The following ASL variants were observed in gnomAD, a reference collection of about 807,000 sequenced individuals.
ASL encodes argininosuccinase.
ASL carries 51 observed loss-of-function variants against 69.1 expected under a neutral mutation model. The ratio of observed to expected loss-of-function variants is 0.74; its 90% CI spans 0.59 to 0.93. The LOEUF is 0.93. Ranked by LOEUF, ASL falls within the 40% of genes least tolerant of loss-of-function variation. ASL has a pLI of 0.00. For missense variants in ASL, 540 were observed against 623.9 expected (o/e 0.87, Z 1.43); for synonymous variants, 241 against 247.6 (o/e 0.97, Z 0.25).
rs28447397 is a variant in ASL, at chr7:66,088,535, A to G, written c.719-272A>G. 0.039 allele frequency among the ~76,000 whole-genome samples: 6,003 copies of G among 152,244 alleles called. 402 individuals carry two copies. Among genetic ancestry groups the G allele is most frequent in the African/African-American group, 0.14 (5,672 of 41,512 alleles). On this transcript the variant is annotated intron_variant, in intron 10 of 16. Coordinates refer to ENST00000304874, the MANE Select transcript of ASL (RefSeq NM_000048.4). ...AATTGTATGTGAGTGATAACTCAGT[A>G]AAGCTGGTTTATTTAAAACAACAAC... is the stretch of plus-strand genomic sequence containing the variant.
chr7:66,087,633 C>CCT, intron 9 of ASL, 96 bp from the exon 10 acceptor site: 1 of 1,342,900 alleles, frequency 7.4e-7, no homozygotes, highest in Non-Finnish European at 1.1e-6. Flanking sequence ...GCTGTTGCCC[C>CCT]ACCCTGATCA....
intron 6 of ASL, 71 bp downstream of exon 6, chr7:66,083,245 C>T (rs1386071179): frequency 2.0e-6 from 3 of 1,518,860 alleles, no homozygotes; most frequent in Non-Finnish European, 2.7e-6. Flanking sequence ...ACCTAGGGGG[C>T]AGGGGTGAAC....
At position 66,081,950 on chromosome 7, in the gene ASL, C is replaced by G; in HGVS notation, c.160C>G (p.Leu54Val). The G allele has an allele frequency of 6.2e-7, 1 of 1,613,484 alleles. No individual in the cohort carries two copies. The highest frequency in any genetic ancestry group is 8.5e-7 in the Non-Finnish European group (1 of 1,179,872). ...CAGCAGGGGCCTGGAGAAGGCAGGG[C>G]TCCTCACCAAGGCCGAGATGGACCA... Reference protein sequence around the residue: ...AYSRGLEKAGLLTKAEMDQIL... With the variant: ...AYSRGLEKAGVLTKAEMDQIL... Residue 54 changes from leucine (L) to valine (V), a missense_variant, in exon 3 of 17, where the codon CTC becomes GTC. Physicochemically the swap from Leu to Val is conservative, Grantham distance 32 (BLOSUM62 1). Transcript: ENST00000304874.
At chr7:66,086,922 C>A (rs768945892) in intron 8 of ASL, 101 bp downstream of exon 8, 1 of 1,359,360 alleles carries the variant, frequency 7.4e-7, no homozygotes, top group Non-Finnish European at 1.0e-6. Flanking sequence ...CAGAAAACCG[C>A]CTTATCTGCT....
intron 2 of ASL, among the ~76,000 whole-genome samples, chr7:66,080,672 C>T (rs1183641860): frequency 2.0e-5 from 3 of 152,040 alleles, no homozygotes; most frequent in Non-Finnish European, 4.4e-5. Flanking sequence ...TGCAGTGAGC[C>T]GAGATCACGC....
chr7:66,076,580 C>T (rs1230560637), intron 2 of ASL, among the ~76,000 whole-genome samples: 2 of 152,196 alleles, frequency 1.3e-5, no homozygotes, highest in Non-Finnish European at 1.5e-5. Context: ...AAGGGGACGT[C>T]GCCTCGTGGC....
rs374304304 is a variant in ASL, at chr7:66,082,440, C to T, written c.280C>T (p.Arg94Cys). The T allele has an allele frequency of 1.1e-5, 18 of 1,610,038 alleles. No individual in the cohort carries two copies. Among genetic ancestry groups the T allele is most frequent in the South Asian group, 3.3e-5 (3 of 90,028 alleles). ...TGAGGACATCCACACAGCCAATGAG[C>T]GCCGCCTGAAGGTACGACCCCTGGA... ...NDEDIHTANE[R>C]RLKELIGATA... The change falls in exon 4 of 17, where the codon CGC (arginine) becomes TGC (cysteine). Residue 94 changes from arginine to cysteine, a missense_variant. Physicochemically the swap from Arg to Cys is radical, Grantham distance 180. Transcript: ENST00000304874.
intron 10 of ASL, 85 bp downstream of exon 10, chr7:66,087,876 C>T: frequency 6.5e-7 from 1 of 1,530,834 alleles, no homozygotes; most frequent in Non-Finnish European, 9.0e-7. Context: ...CCCACACCTC[C>T]ACGGACAGGC....
chr7:66,092,045 A>G lies in ASL; in HGVS notation c.1102A>G (p.Met368Val), dbSNP rs1554328202. 3 of 1,613,540 alleles carry G rather than the reference A, an allele frequency of 1.9e-6. No individual in the cohort carries two copies. The highest frequency in any genetic ancestry group is 2.5e-6 in the Non-Finnish European group (3 of 1,180,032). ...CATGGGACAGGCTCTCAGCCCCGAC[A>G]TGCTGGCCACTGACCTTGCCTATTA... Reference protein sequence around the residue: ...ENMGQALSPDMLATDLAYYLV... With the variant: ...ENMGQALSPDVLATDLAYYLV... Residue 368 changes from methionine (M) to valine (V), a missense_variant, in exon 15 of 17, where the codon ATG (methionine) becomes GTG (valine). Coordinates refer to ENST00000304874, the MANE Select transcript of ASL (RefSeq NM_000048.4).
Position 66,093,052 on chromosome 7 carries a change from G to C in ASL, c.*140G>C. On this transcript the variant is annotated 3_prime_UTR_variant, in exon 17 of 17. Transcript: ENST00000304874. ...TCAGGGACTGGAGAGGCAGGGCAGG[G>C]TGGCCTGTAATCCCAGCACTTTGGA... The C allele has an allele frequency of 1.4e-6, 2 of 1,406,960 alleles. No homozygotes were observed. Among genetic ancestry groups the C allele is most frequent in the Non-Finnish European group, 1.9e-6 (2 of 1,036,280 alleles). The allele number at this position is 1,406,960 out of a possible 1,614,324, so 87.2% of individuals were successfully genotyped here. A position where few individuals can be genotyped will look rare whatever the true frequency, so the allele number is the denominator to read the frequency against.
intron 8 of ASL, 93 bp from the exon 9 acceptor site, chr7:66,087,241 T>TGTGTG: frequency 7.3e-7 from 1 of 1,375,666 alleles, no homozygotes. Flanking sequence ...TGTGTGTGCG[T>TGTGTG]TCGTGTGTGT....
chr7:66,085,900 G>A (rs1681760152), intron 6 of ASL, among the ~76,000 whole-genome samples: 1 of 151,970 alleles, frequency 6.6e-6, no homozygotes, highest in Non-Finnish European at 1.5e-5. Context: ...GAGTTACCGC[G>A]CCTGGCCACA....
chr7:66,086,434 T>C, intron 6 of ASL, 151 bp from the exon 7 acceptor site: 1 of 849,610 alleles, frequency 1.2e-6, no homozygotes, highest in South Asian at 1.4e-5. Context: ...TAAGACTGAT[T>C]TGTCCCTGGG....
At chr7:66,088,713 G>T (rs571823108) in intron 10 of ASL, 94 bp from the exon 11 acceptor site, 5 of 1,055,094 alleles carry the variant, frequency 4.7e-6, no homozygotes, top group Non-Finnish European at 7.2e-6. Flanking sequence ...AAATTTAGCC[G>T]GGTCCCCCCA....
intron 6 of ASL, among the ~76,000 whole-genome samples, chr7:66,083,920 G>A (rs919416325): frequency 6.6e-6 from 1 of 152,104 alleles, no homozygotes; most frequent in Non-Finnish European, 1.5e-5. Flanking sequence ...CTGGGACCTG[G>A]TGTCTTTGGG....
chr7:66,084,354 G>A (rs1786598428), intron 6 of ASL, among the ~76,000 whole-genome samples: 2 of 151,768 alleles, frequency 1.3e-5, no homozygotes, highest in Admixed American at 1.3e-4. Context: ...GTAGAGATGG[G>A]TTTTGCCATG....
Position 66,082,890 on chromosome 7 carries a change from G to A in ASL, c.302G>A (p.Gly101Asp), listed in dbSNP as rs775061205. ...TCCCTTCACCTCCAGGAGCTCATTG[G>A]TGCAACGGCAGGGAAGCTGCACACG... ...ANERRLKELI[G>D]ATAGKLHTGR... The change falls in exon 5 of 17, where the codon GGT becomes GAT. Residue 101 changes from glycine (G) to aspartate (D), a missense_variant. Transcript: ENST00000304874. 2.5e-6 allele frequency: 4 copies of A among 1,613,784 alleles called. No individual in the cohort carries two copies. Among genetic ancestry groups the A allele is most frequent in the Admixed American group, 1.7e-5 (1 of 59,994 alleles).
chr7:66,076,042 C>T lies in ASL; in HGVS notation c.-40C>T, dbSNP rs750491000. The T allele has an allele frequency of 2.5e-5, 39 of 1,588,840 alleles. No individual in the cohort carries two copies. Among genetic ancestry groups the T allele is most frequent in the Non-Finnish European group, 3.2e-5 (37 of 1,168,244 alleles). ...TCAGTCCGGTCTTGTCTTCCAGACC[C>T]GGAGGACCGAAGCTTCCGGACGACG... On this transcript the variant is annotated 5_prime_UTR_variant, in exon 2 of 17. Coordinates refer to ENST00000304874, the MANE Select transcript of ASL (RefSeq NM_000048.4).
chr7:66,077,184 T>G (rs970805001), intron 2 of ASL, among the ~76,000 whole-genome samples: 2 of 152,194 alleles, frequency 1.3e-5, no homozygotes, highest in Non-Finnish European at 2.9e-5. Flanking sequence ...ATATTTCTAC[T>G]TTGGGAGGCC....
Sources: allele counts gnomAD v4.1 joint callset (sites outside exome capture counted in the v4.1 genomes callset), GRCh38; gene constraint gnomAD v4.1.1; transcripts MANE v1.5; gene names NCBI Gene and HGNC (gene_info 2026-07-23, HGNC 2026-07-21).